Variants in LRRC43 observed in about 807,000 individuals in gnomAD.
LRRC43 encodes the protein leucine-rich repeat-containing protein 43.
LRRC43 carries 62 observed loss-of-function variants against 64.3 expected under a neutral mutation model. The ratio of observed to expected loss-of-function variants is 0.96; its 90% confidence interval spans 0.79 to 1.19. LRRC43 has a LOEUF of 1.19. Among genes scored for constraint, LRRC43 ranks in the 50% most tolerant of loss-of-function variants. The pLI, the probability that LRRC43 is intolerant of heterozygous loss-of-function variation, is 0.00. For missense variants in LRRC43, 868 were observed against 845.0 expected, an observed-to-expected ratio of 1.03 and a Z score of -0.34; for synonymous variants, 422 against 382.3, an observed-to-expected ratio of 1.10 and a Z score of -1.21.
At chr12:122,201,162 C>A in intron 10 of LRRC43, 134 bp from the exon 11 acceptor site, 1 of 1,072,272 alleles carries the variant, frequency 9.3e-7, no homozygotes, top group East Asian at 2.4e-5. Flanking sequence ...TGGGCTGGGG[C>A]AGCCACCCTC....
In LRRC43 at chr12:122,200,827, G is replaced by A. The variant is rs1412131690; in HGVS notation, c.1702G>A (p.Gly568Ser). ...CCCCATCCTCCAGGTGCTGGGCCGG[G>A]GCCTGGTGATCCTGGAGCCCCTGCT... ...DPPILQVLGR[G>S]LVILEPLLAG... The change falls in exon 10 of 12, where the codon GGC (glycine) becomes AGC (serine). Residue 568 changes from glycine (G) to serine (S), a missense_variant. Physicochemically the swap from Gly to Ser is moderately conservative, Grantham distance 56. Coordinates refer to ENST00000339777, the MANE Select transcript of LRRC43 (RefSeq NM_001098519.2). This position sits in a 1 kb window ranked among gnomAD's most constrained non-coding sequence, Gnocchi z 4.6. 2.9e-5 allele frequency: 47 copies of A among 1,613,084 alleles called. No individual in the cohort carries two copies. Among genetic ancestry groups the A allele is most frequent in the Non-Finnish European group, 3.8e-5 (45 of 1,179,998 alleles).
Position 122,199,205 on chromosome 12 carries a change from A to G in LRRC43, c.1350-984A>G, listed in dbSNP as rs570295184. Among the ~76,000 whole-genome samples, 8 of 149,762 alleles carry G rather than the reference A, an allele frequency of 5.3e-5. No homozygotes were observed. The South Asian group carries it at 1.5e-3, about 28-fold the overall frequency. On this transcript the variant is annotated intron_variant, in intron 7 of 11. Transcript: ENST00000339777. ...AGTGGGATGCTGCTTCAGGGTTGCC[A>G]TGGTGTTCTGAGACTTAGGAAACTC...
intron 7 of LRRC43, among the ~76,000 whole-genome samples, chr12:122,196,883 C>T (rs1264419241): frequency 6.6e-6 from 1 of 152,150 alleles, no homozygotes; most frequent in Non-Finnish European, 1.5e-5. Flanking sequence ...CAAATCTCTG[C>T]CCCTAGGATG....
chr12:122,186,162 G>T (rs780501018), intron 2 of LRRC43, 28 bp from the exon 3 acceptor site: 61 of 1,318,072 alleles, frequency 4.6e-5, no homozygotes, highest in Middle Eastern at 1.8e-4. Flanking sequence ...TCCTGCTACA[G>T]CCCTCAGCTT....
chr12:122,184,325 A>G lies in LRRC43; in HGVS notation c.151-194A>G, dbSNP rs1593144487. Among the ~76,000 whole-genome samples, 1 of 151,940 alleles carries G rather than the reference A, an allele frequency of 6.6e-6. No homozygotes were observed. On this transcript the variant is annotated intron_variant, in intron 1 of 11. Transcript: ENST00000339777. This position sits in a 1 kb window ranked among gnomAD's most constrained non-coding sequence, Gnocchi z 4.0. ...TAGCCAGGATGGCCTCGATCTCTTG[A>G]CCTCATGATCCGCCTGCCTCAGCCT...
At position 122,203,328 on chromosome 12, in the gene LRRC43, C is replaced by T. The variant is rs1953865638; in HGVS notation, c.1857C>T (p.Ala619=). The change falls in exon 12 of 12, where the codon GCC becomes GCT. Residue 619 remains alanine (A), a synonymous_variant. Transcript: ENST00000339777. ...AAATTTTCTCAGAAAAGCCGAAAGC[C>T]GTGATTCCGATCTACGAAGGCGATT... ...KKVAKKEKPK[A]VIPIYEGDYH... is the part of the protein sequence containing the mutation. 3.1e-6 allele frequency: 5 copies of T among 1,612,670 alleles called. No individual in the cohort carries two copies. The highest frequency in any genetic ancestry group is 4.2e-6 in the Non-Finnish European group (5 of 1,179,890).
At chr12:122,190,771 G>A (rs1299719233) in intron 5 of LRRC43, among the ~76,000 whole-genome samples, 5 of 151,978 alleles carry the variant, frequency 3.3e-5, no homozygotes, top group East Asian at 1.9e-4. Context: ...GCTGAGGCAC[G>A]AGAATCTTTT....
intron 1 of LRRC43, among the ~76,000 whole-genome samples, chr12:122,173,236 C>CA (rs1391266752): frequency 1.3e-5 from 2 of 152,170 alleles, no homozygotes; most frequent in Non-Finnish European, 1.5e-5. Context: ...TTGCCAGCAG[C>CA]ACCTCATCAA....
At chr12:122,178,694 C>T (rs745641468), upstream of LRRC43, among the ~76,000 whole-genome samples, 5 of 144,778 alleles carry the variant, frequency 3.5e-5, no homozygotes, top group South Asian at 4.4e-4. Context: ...CGGGTTCAAG[C>T]GATTGTCCTG....
intron 1 of LRRC43, chr12:122,174,181 A>G: frequency 6.2e-7 from 1 of 1,614,128 alleles, no homozygotes; most frequent in Middle Eastern, 1.7e-4. Context: ...ATGGCGAGAG[A>G]GAGCAAGGCC....
rs774015043 is a variant in LRRC43 at position 122,184,667 on chromosome 12, A to T, written c.299A>T (p.Asn100Ile). 6.2e-7 allele frequency: 1 copy of T among 1,613,894 alleles called. No individual in the cohort carries two copies. Among genetic ancestry groups the T allele is most frequent in the Non-Finnish European group, 8.5e-7 (1 of 1,179,868 alleles). Reference sequence around the variant, plus strand: ...CACTCCCCCTGGGCTCTGCTGAACAACTCGAATGCAGAAGACAGTTTCCTG... The same window carrying T: ...CACTCCCCCTGGGCTCTGCTGAACATCTCGAATGCAGAAGACAGTTTCCTG... Reference protein sequence around the residue: ...SRHSPWALLNNSNAEDSFLRE... With the variant: ...SRHSPWALLNISNAEDSFLRE... Residue 100 changes from asparagine (N) to isoleucine (I), a missense_variant, in exon 2 of 12, where the codon AAC becomes ATC. By Grantham distance (149) the Asn-to-Ile change is moderately radical. Transcript: ENST00000339777. This position sits in a 1 kb window ranked among gnomAD's most constrained non-coding sequence, Gnocchi z 4.0.
chr12:122,183,523 C>A (rs1038632926), intron 1 of LRRC43, among the ~76,000 whole-genome samples: 3 of 152,164 alleles, frequency 2.0e-5, no homozygotes, highest in Non-Finnish European at 2.9e-5. Context: ...TGGGCTGGGG[C>A]CTCTCCCTGA....
Position 122,192,898 on chromosome 12 carries a change from T to G in LRRC43, c.1243T>G (p.Ser415Ala). Reference sequence around the variant, plus strand: ...GGAGGAGTCAGGAGAGTCGGAGCTGTCTGTCATCTCGGGGCCTTCGACCAT... The same window carrying G: ...GGAGGAGTCAGGAGAGTCGGAGCTGGCTGTCATCTCGGGGCCTTCGACCAT... Reference protein sequence around the residue: ...EVEESGESELSVISGPSTILQ... With the variant: ...EVEESGESELAVISGPSTILQ... The change falls in exon 7 of 12, where the codon TCT becomes GCT. Residue 415 changes from serine to alanine, a missense_variant. Transcript: ENST00000339777. 1 of 1,614,094 alleles carries G rather than the reference T, an allele frequency of 6.2e-7. No individual in the cohort carries two copies. Among genetic ancestry groups the G allele is most frequent in the Non-Finnish European group, 8.5e-7 (1 of 1,180,014 alleles).
chr12:122,174,196 T>C (rs1278377190), intron 1 of LRRC43: 2 of 1,613,978 alleles, frequency 1.2e-6, no homozygotes, highest in African/African-American at 2.7e-5. Flanking sequence ...AAGGCCAGCT[T>C]CAGTGGGGGC....
rs769194682 is a variant in LRRC43 at position 122,200,974 on chromosome 12, C to A, written c.1809+40C>A. 2.2e-5 allele frequency: 34 copies of A among 1,544,022 alleles called. No homozygotes were observed. The highest frequency in any genetic ancestry group is 2.8e-5 in the African/African-American group (2 of 72,712). Reference sequence around the variant, plus strand: ...TAGCCACATCCTCCACCTCTGCCTTCGCCCTCCCCATGGGAACCCCGCGGG... The same window carrying A: ...TAGCCACATCCTCCACCTCTGCCTTAGCCCTCCCCATGGGAACCCCGCGGG... On this transcript the variant is annotated intron_variant, in intron 10 of 11. Coordinates refer to ENST00000339777, the MANE Select transcript of LRRC43 (RefSeq NM_001098519.2). This position sits in a 1 kb window ranked among gnomAD's most constrained non-coding sequence, Gnocchi z 4.6.
At chr12:122,189,233 CCAG>C (rs950465243) in intron 4 of LRRC43, among the ~76,000 whole-genome samples, 1 of 152,124 alleles carries the variant, frequency 6.6e-6, no homozygotes, top group Non-Finnish European at 1.5e-5. Context: ...CTTCAGCAGC[CCAG>C]CAAGGATGGA....
At chr12:122,179,063 G>A (rs1214705567), upstream of LRRC43, among the ~76,000 whole-genome samples, 1 of 152,098 alleles carries the variant, frequency 6.6e-6, no homozygotes, top group African/African-American at 2.4e-5. Flanking sequence ...GATGAATTCT[G>A]GCTCTTTGCT....
intron 7 of LRRC43, among the ~76,000 whole-genome samples, chr12:122,194,355 T>G (rs1422549587): frequency 6.6e-6 from 1 of 151,612 alleles, no homozygotes; most frequent in Non-Finnish European, 1.5e-5. Context: ...ACAGATCACC[T>G]CAGGAGGTCG....
intron 1 of LRRC43, among the ~76,000 whole-genome samples, chr12:122,177,369 T>C (rs1379362594): frequency 1.3e-5 from 2 of 152,062 alleles, no homozygotes; most frequent in Non-Finnish European, 2.9e-5. Flanking sequence ...GAGACCTAGA[T>C]GAGAACCCTA....
Sources: gnomAD v4.1 joint callset for allele counts (sites outside exome capture counted in the v4.1 genomes callset) on GRCh38, gnomAD v4.1.1 for gene constraint, Gnocchi (gnomAD v3.1) non-coding constraint, MANE v1.5 for transcripts, NCBI Gene and HGNC (gene_info 2026-07-23, HGNC 2026-07-21) for gene names.